SDK2: variants seen among roughly 807,000 people sequenced by gnomAD.
SDK2 encodes protein sidekick-2.
SDK2 carries 105 observed loss-of-function variants against 253.9 expected under a neutral mutation model. The observed-to-expected ratio is 0.41, with a 90% CI of 0.35 to 0.49. The LOEUF (loss-of-function observed/expected upper bound fraction) is 0.49. SDK2 is among the 20% of genes least tolerant of loss of function. SDK2 has a pLI of 0.06. For synonymous variants in SDK2, 1,249 were observed against 1,234.9 expected, an observed-to-expected ratio of 1.01 and a Z score of -0.24; for missense variants, 2,608 against 3,003.0, an observed-to-expected ratio of 0.87 and a Z score of 3.07.
intron 1 of SDK2, among the ~76,000 whole-genome samples, chr17:73,537,305 G>A (rs2044791628): frequency 6.6e-6 from 1 of 152,124 alleles, no homozygotes. Flanking sequence ...GGAGATAAAC[G>A]GAGAGGCCAT....
In SDK2 at chr17:73,334,515, CAT is replaced by C. The variant is rs986949271; in HGVS notation, c.*4070_*4071del. The C allele has an allele frequency of 2.0e-5, 3 of 152,146 alleles. No homozygotes were observed. Among genetic ancestry groups the C allele is most frequent in the Non-Finnish European group, 4.4e-5 (3 of 68,024 alleles). The allele number at this position is 152,146 out of a possible 1,614,324, so 9.4% of individuals were successfully genotyped here. On this transcript the variant is annotated 3_prime_UTR_variant, in exon 45 of 45. Coordinates refer to ENST00000392650, the MANE Select transcript of SDK2 (RefSeq NM_001144952.2). ...ATAAACCTGCTAACACGCTATATGACATAGAGATATATATTTTTTTCTTACAG... is the reference window on the plus strand; with the variant it reads ...ATAAACCTGCTAACACGCTATATGACAGAGATATATATTTTTTTCTTACAG...
chr17:73,433,946 C>T (rs1307548777), intron 9 of SDK2, 98 bp from the exon 10 acceptor site: 2 of 743,828 alleles, frequency 2.7e-6, no homozygotes, highest in African/African-American at 1.8e-5. Flanking sequence ...GCCAGGCCCT[C>T]ATCCTCCCCC....
At position 73,338,740 on chromosome 17, in the gene SDK2, C is replaced by A; in HGVS notation, c.6366G>T (p.Gln2122His). 1 of 1,613,536 alleles carries A rather than the reference C, an allele frequency of 6.2e-7. No homozygotes were observed. Among genetic ancestry groups the A allele is most frequent in the Non-Finnish European group, 8.5e-7 (1 of 1,179,768 alleles). The change falls in exon 45 of 45, where the codon CAG becomes CAT. Residue 2122 changes from glutamine to histidine, a missense_variant. Gln to His is a conservative substitution (Grantham distance 24). This residue lies in a region of SDK2 where 1,103 missense variants were observed against 1,143.9 expected (regional missense o/e 0.96). Transcript: ENST00000392650. The surrounding 1 kb of genome is among the most constrained non-coding windows in gnomAD (Gnocchi z 5.0). ...HTTVTNSTST[Q>H]QGSLFRPKAS... Reference sequence around the variant, plus strand: ...CCTTGGGCCGAAAGAGGCTGCCCTGCTGGGTGCTGGTGCTGTTGGTGACGG... The same window carrying A: ...CCTTGGGCCGAAAGAGGCTGCCCTGATGGGTGCTGGTGCTGTTGGTGACGG...
At chr17:73,578,029 TCTC>T (rs1052289807) in intron 1 of SDK2, among the ~76,000 whole-genome samples, 1 of 151,014 alleles carries the variant, frequency 6.6e-6, no homozygotes, top group Admixed American at 6.6e-5. Context: ...GAAGATGGGT[TCTC>T]CTCCAGGGTC....
chr17:73,552,909 C>T (rs565738897), intron 1 of SDK2, among the ~76,000 whole-genome samples: 1 of 152,248 alleles, frequency 6.6e-6, no homozygotes, highest in Admixed American at 6.5e-5. Flanking sequence ...GGCTGGCGCT[C>T]AGAGATGGGA....
intron 1 of SDK2, among the ~76,000 whole-genome samples, chr17:73,522,240 GC>G (rs1387843379): frequency 6.6e-6 from 1 of 152,258 alleles, no homozygotes; most frequent in Non-Finnish European, 1.5e-5. Flanking sequence ...GGGCGGATGG[GC>G]TGCCCCAAAG....
At position 73,467,378 on chromosome 17, in the gene SDK2, G is replaced by C. The variant is rs1014096923; in HGVS notation, c.331+4734C>G. ...TGACTTAGACAAGGTGTGTCACCCGGCCGAGCCTCGGTTTCCTCATCTGTA... is the reference window on the plus strand; with the variant it reads ...TGACTTAGACAAGGTGTGTCACCCGCCCGAGCCTCGGTTTCCTCATCTGTA... On this transcript the variant is annotated intron_variant, in intron 3 of 44. Coordinates refer to ENST00000392650, the MANE Select transcript of SDK2 (RefSeq NM_001144952.2). The surrounding 1 kb of genome is among the most constrained non-coding windows in gnomAD (Gnocchi z 4.1). 9.9e-5 allele frequency among the ~76,000 whole-genome samples: 15 copies of C among 152,100 alleles called. No homozygotes were observed. Among genetic ancestry groups the C allele is most frequent in the African/African-American group, 3.6e-4 (15 of 41,408 alleles).
intron 3 of SDK2, among the ~76,000 whole-genome samples, chr17:73,458,315 A>G (rs2063541652): frequency 6.6e-6 from 1 of 152,108 alleles, no homozygotes; most frequent in Non-Finnish European, 1.5e-5. Flanking sequence ...TGGGTCTCAG[A>G]ATCTCCTGAG....
intron 3 of SDK2, among the ~76,000 whole-genome samples, chr17:73,463,767 T>C (rs1298481950): frequency 6.6e-6 from 1 of 152,260 alleles, no homozygotes; most frequent in African/African-American, 2.4e-5. Flanking sequence ...TGAGTCATTT[T>C]CACGGCTGGA....
chr17:73,562,989 A>G (rs2045260004), intron 1 of SDK2, among the ~76,000 whole-genome samples: 1 of 152,178 alleles, frequency 6.6e-6, no homozygotes. Context: ...GGGCACTTGA[A>G]GCCATTTCTG....
rs138587019 is a variant in SDK2, at chr17:73,498,919, G to T, written c.224+8519C>A. Among the ~76,000 whole-genome samples the T allele has an allele frequency of 3.5e-3, 527 of 152,318 alleles. 3 individuals are homozygous for T. Among genetic ancestry groups the T allele is most frequent in the African/African-American group, 0.012 (480 of 41,580 alleles). ...AAGATCCTGGGTGAAACCTGACTCC[G>T]TGTACTGGCTGTGTGACCTTGGGTA... On this transcript the variant is annotated intron_variant, in intron 2 of 44. Transcript: ENST00000392650.
intron 1 of SDK2, among the ~76,000 whole-genome samples, chr17:73,621,605 A>G (rs1407613670): frequency 4.0e-5 from 6 of 151,748 alleles, no homozygotes; most frequent in Non-Finnish European, 7.4e-5. Flanking sequence ...ACTTTTTTAT[A>G]CATTATATAT....
chr17:73,593,824 T>G (rs1211711287), intron 1 of SDK2, among the ~76,000 whole-genome samples: 2 of 152,154 alleles, frequency 1.3e-5, no homozygotes, highest in East Asian at 3.9e-4. Flanking sequence ...TCTTCTTCTT[T>G]TGTCCCTGGC....
intron 36 of SDK2, among the ~76,000 whole-genome samples, chr17:73,378,123 C>G (rs2062798785): frequency 6.6e-6 from 1 of 151,588 alleles, no homozygotes; most frequent in Non-Finnish European, 1.5e-5. Context: ...TTTTTTGAGA[C>G]AGTGTCTTGC....
chr17:73,429,895 G>A (rs1158615919), intron 12 of SDK2, among the ~76,000 whole-genome samples: 2 of 152,132 alleles, frequency 1.3e-5, no homozygotes, highest in Admixed American at 1.3e-4. Context: ...CCTTTTAGTG[G>A]CTTCCACAGA....
intron 1 of SDK2, among the ~76,000 whole-genome samples, chr17:73,556,873 A>T (rs2145845190): frequency 6.6e-6 from 1 of 152,010 alleles, no homozygotes; most frequent in African/African-American, 2.4e-5. Flanking sequence ...GATCATAGAA[A>T]CTCTCTCACA....
At chr17:73,589,941 C>T (rs919980245) in intron 1 of SDK2, among the ~76,000 whole-genome samples, 25 of 152,264 alleles carry the variant, frequency 1.6e-4, no homozygotes, top group Non-Finnish European at 2.5e-4. Context: ...AGAAAGCAAG[C>T]AGCTGTCAGG....
intron 1 of SDK2, among the ~76,000 whole-genome samples, chr17:73,522,400 G>GCTCC (rs1385201055): frequency 3.9e-5 from 6 of 152,366 alleles, no homozygotes; most frequent in Non-Finnish European, 8.8e-5. Flanking sequence ...AAGCAGAGGA[G>GCTCC]TCTGCTGAAG....
At chr17:73,529,187 C>T (rs1348701825) in intron 1 of SDK2, among the ~76,000 whole-genome samples, 1 of 152,070 alleles carries the variant, frequency 6.6e-6, no homozygotes, top group Non-Finnish European at 1.5e-5. Flanking sequence ...CTGTAATGAG[C>T]GAAAAGCATG....
Sources: gnomAD v4.1 joint callset for allele counts (sites outside exome capture counted in the v4.1 genomes callset) on GRCh38, gnomAD v4.1.1 for gene constraint, gnomAD v4.1.1 regional missense constraint, Gnocchi (gnomAD v3.1) non-coding constraint, MANE v1.5 for transcripts, NCBI Gene and HGNC (gene_info 2026-07-23, HGNC 2026-07-21) for gene names.